The following NIBAN1 variants were observed in gnomAD, a reference collection of about 807,000 sequenced individuals.
The protein encoded by NIBAN1 is protein Niban 1.
In NIBAN1, 81 loss-of-function variants were observed where a neutral mutation model predicts 75.1. The observed-to-expected ratio is 1.08, with a 90% confidence interval of 0.90 to 1.30. The LOEUF is 1.30. Among genes scored for constraint, NIBAN1 ranks in the 50% most tolerant of loss-of-function variants. NIBAN1 has a pLI of 0.00. For missense variants in NIBAN1, 1,133 were observed against 1,128.1 expected (o/e 1.00, Z -0.06); for synonymous variants, 436 against 424.8 (o/e 1.03, Z -0.32).
intron 1 of NIBAN1, among the ~76,000 whole-genome samples, chr1:184,928,263 C>T (rs1657733209): frequency 6.6e-6 from 1 of 152,124 alleles, no homozygotes; most frequent in African/African-American, 2.4e-5. Context: ...TCTCCTGAAG[C>T]AGAAGGAAGG....
At position 184,823,205 on chromosome 1, in the gene NIBAN1, A is replaced by T. The variant is rs1173124394; in HGVS notation, c.947T>A (p.Ile316Asn). 6.2e-7 allele frequency: 1 copy of T among 1,614,212 alleles called. No homozygotes were observed. The highest frequency in any genetic ancestry group is 1.7e-5 in the Admixed American group (1 of 60,022). ...AATTAAATAGTTCTTTGAGTTCACA[A>T]TCTGATCCATGTCAGAACGGATCGT... is the stretch of plus-strand genomic sequence containing the variant. ...EGTIRSDMDQ[I>N]VNSKNYLIGK... The change falls in exon 8 of 14, where the codon ATT becomes AAT. Residue 316 changes from isoleucine (I) to asparagine (N), a missense_variant. Coordinates refer to ENST00000367511, the MANE Select transcript of NIBAN1 (RefSeq NM_052966.4).
chr1:184,823,928 A>G (rs1654774713), intron 6 of NIBAN1, among the ~76,000 whole-genome samples, 186 bp from the exon 7 acceptor site: 1 of 152,212 alleles, frequency 6.6e-6, no homozygotes, highest in Non-Finnish European at 1.5e-5. Flanking sequence ...GAGGCTGAAC[A>G]TTCTTAAACA....
chr1:184,819,732 G>A (rs1050934916), intron 8 of NIBAN1, among the ~76,000 whole-genome samples: 1 of 152,152 alleles, frequency 6.6e-6, no homozygotes, highest in African/African-American at 2.4e-5. Context: ...TCACAGAACT[G>A]AGAACAGAAG....
At chr1:184,974,153 A>C (rs1659012292) in intron 1 of NIBAN1, 149 bp downstream of exon 1, 2 of 832,258 alleles carry the variant, frequency 2.4e-6, no homozygotes, top group Admixed American at 4.4e-5. Context: ...TGGGGCAGGA[A>C]ACCCGACTCG....
chr1:184,888,394 C>G (rs1236628636), intron 4 of NIBAN1, among the ~76,000 whole-genome samples: 1 of 152,140 alleles, frequency 6.6e-6, no homozygotes, highest in Admixed American at 6.5e-5. Context: ...TTTGTACAAG[C>G]AACCAAAAGC....
At chr1:184,946,443 A>G (rs573984655) in intron 1 of NIBAN1, among the ~76,000 whole-genome samples, 1 of 152,340 alleles carries the variant, frequency 6.6e-6, no homozygotes, top group South Asian at 2.1e-4. Flanking sequence ...GAAGAGTTGA[A>G]TGGACAATTG....
In NIBAN1 at chr1:184,795,846, G is replaced by A. The variant is rs1276109042; in HGVS notation, c.1918C>T (p.Leu640Phe). The change falls in exon 14 of 14, where the codon CTT (leucine) becomes TTT (phenylalanine). Residue 640 changes from leucine (L) to phenylalanine (F), a missense_variant. By Grantham distance (22) the Leu-to-Phe change is conservative (BLOSUM62 0). Coordinates refer to ENST00000367511, the MANE Select transcript of NIBAN1 (RefSeq NM_052966.4). The part of the protein sequence containing the change: ...VPSSLAKGES[L>F]SLPGPSPPPD... ...GGTGGGCTTGGCCCAGGGAGAGAAA[G>A]GCTTTCTCCTTTGGCCAACGAGCTA... The A allele has an allele frequency of 6.2e-7, 1 of 1,610,382 alleles. No individual in the cohort carries two copies. The highest frequency in any genetic ancestry group is 1.7e-4 in the Middle Eastern group (1 of 6,038).
chr1:184,813,610 A>G (rs1280359236), intron 9 of NIBAN1, among the ~76,000 whole-genome samples: 1 of 152,250 alleles, frequency 6.6e-6, no homozygotes, highest in Non-Finnish European at 1.5e-5. Context: ...GTCCTAAAGT[A>G]AAATGACTGG....
chr1:184,942,489 C>T lies in NIBAN1; in HGVS notation c.55+31813G>A, dbSNP rs185879157. ...CTGGCGGATCACGAGGTCAGGAGAT[C>T]GAGACCATCCTGGCTAACATGGTGA... On this transcript the variant is annotated intron_variant, in intron 1 of 13. Transcript: ENST00000367511. Among the ~76,000 whole-genome samples the T allele has an allele frequency of 6.9e-3, 1,057 of 152,218 alleles. 5 individuals carry two copies. Among genetic ancestry groups the T allele is most frequent in the Non-Finnish European group, 0.011 (760 of 68,012 alleles).
At chr1:184,945,988 G>A (rs1452753270) in intron 1 of NIBAN1, among the ~76,000 whole-genome samples, 1 of 143,130 alleles carries the variant, frequency 7.0e-6, no homozygotes, top group Non-Finnish European at 1.5e-5. Flanking sequence ...TGATTTCAAA[G>A]CGCTGGGATT....
intron 1 of NIBAN1, among the ~76,000 whole-genome samples, chr1:184,919,779 A>G (rs1356831233): frequency 6.6e-6 from 1 of 152,130 alleles, no homozygotes; most frequent in Non-Finnish European, 1.5e-5. Context: ...GGTAATGAGT[A>G]TAATATATAC....
intron 1 of NIBAN1, among the ~76,000 whole-genome samples, chr1:184,913,295 G>A (rs1448282116): frequency 1.3e-5 from 2 of 151,772 alleles, no homozygotes; most frequent in South Asian, 2.1e-4. Flanking sequence ...GAATTATACC[G>A]TTTGCACTGC....
rs190783556 is a variant in NIBAN1, at chr1:184,916,655, C to T, written c.56-17346G>A. On this transcript the variant is annotated intron_variant, in intron 1 of 13. Transcript: ENST00000367511. ...GGATAAGACTGAAAAGTGTTTGTTC[C>T]ATTTAATATAACAAAATAAAGATAT... Among the ~76,000 whole-genome samples, 88 of 151,652 alleles carry T rather than the reference C, an allele frequency of 5.8e-4. No individual in the cohort carries two copies. The East Asian group carries it at 0.014, about 23-fold the overall frequency.
chr1:184,823,839 C>G lies in NIBAN1; in HGVS notation c.718-97G>C, dbSNP rs999453223. The stretch of plus-strand genomic sequence containing the variant: ...ATGTCCTGATTGGCTGTCCCTGTCC[C>G]GGACCAGATGAACTCTGTAGTAGGT... On this transcript the variant is annotated intron_variant, in intron 6 of 13. Coordinates refer to ENST00000367511, the MANE Select transcript of NIBAN1 (RefSeq NM_052966.4). The G allele has an allele frequency of 7.3e-6, 7 of 958,120 alleles. No homozygotes were observed. The Admixed American group carries it at 1.4e-4, about 19-fold the overall frequency. The allele number at this position is 958,120 out of a possible 1,614,324, so 59.4% of individuals were successfully genotyped here.
intron 5 of NIBAN1, among the ~76,000 whole-genome samples, chr1:184,878,403 T>C (rs1300842338): frequency 6.6e-6 from 1 of 152,364 alleles, no homozygotes; most frequent in South Asian, 2.1e-4. Context: ...AATCTTCCTT[T>C]ACAAATTAGA....
intron 5 of NIBAN1, among the ~76,000 whole-genome samples, chr1:184,851,939 A>G (rs1047416558): frequency 6.6e-6 from 1 of 151,956 alleles, no homozygotes; most frequent in African/African-American, 2.4e-5. Context: ...AGAATCTCAG[A>G]GAGCTCCCGT....
chr1:184,867,195 AAC>A lies in NIBAN1; in HGVS notation c.601+17436_601+17437del, dbSNP rs149204316. On this transcript the variant is annotated intron_variant, in intron 5 of 13. Transcript: ENST00000367511. ...TCACACACACACACCCCTACACACA[AAC>A]ACACACACACACACACCCCAAAAGT... is the stretch of plus-strand genomic sequence containing the variant. Among the ~76,000 whole-genome samples the A allele has an allele frequency of 2.2e-3, 321 of 147,926 alleles. 2 individuals carry two copies. The highest frequency in any genetic ancestry group is 7.1e-3 in the African/African-American group (288 of 40,424).
At position 184,795,956 on chromosome 1, in the gene NIBAN1, G is replaced by A; in HGVS notation, c.1808C>T (p.Ala603Val). The A allele has an allele frequency of 6.2e-7, 1 of 1,614,170 alleles. No homozygotes were observed. Among genetic ancestry groups the A allele is most frequent in the East Asian group, 2.2e-5 (1 of 44,884 alleles). Residue 603 changes from alanine (A) to valine (V), a missense_variant, in exon 14 of 14, where the codon GCC becomes GTC. Coordinates refer to ENST00000367511, the MANE Select transcript of NIBAN1 (RefSeq NM_052966.4). ...ACTACCCAGAACTCCTGGCAGAATG[G>A]CAGAAGCTCTCCTGGCAGGGCTGGC... is the stretch of plus-strand genomic sequence containing the variant. ...NQASPARRAS[A>V]ILPGVLGSET...
At chr1:184,961,782 C>T (rs1658657837) in intron 1 of NIBAN1, among the ~76,000 whole-genome samples, 2 of 152,216 alleles carry the variant, frequency 1.3e-5, no homozygotes, top group South Asian at 4.1e-4. Context: ...AAGGGAAAGT[C>T]TGCTAGTAAG....
Sources: allele counts gnomAD v4.1 joint callset (sites outside exome capture counted in the v4.1 genomes callset), GRCh38; gene constraint gnomAD v4.1.1; transcripts MANE v1.5; gene names NCBI Gene and HGNC (gene_info 2026-07-23, HGNC 2026-07-21).